The following TPRG1 variants were observed in gnomAD, a reference collection of about 807,000 sequenced individuals.
The protein encoded by TPRG1 is tumor protein p63-regulated gene 1 protein.
In TPRG1, 29 loss-of-function variants were observed where a neutral mutation model predicts 29.3. The observed-to-expected ratio is 0.99, with a 90% CI of 0.74 to 1.35. The LOEUF (loss-of-function observed/expected upper bound fraction) is 1.35. Ranked by LOEUF, TPRG1 falls within the 40% of genes most tolerant of loss-of-function variation. TPRG1 has a pLI of 0.00. For missense variants in TPRG1, 327 were observed against 335.0 expected (o/e 0.98, Z 0.19); for synonymous variants, 130 against 116.8 (o/e 1.11, Z -0.73).
intron 3 of TPRG1, among the ~76,000 whole-genome samples, chr3:189,218,359 G>T (rs543390088): frequency 1.3e-5 from 2 of 151,874 alleles, no homozygotes; most frequent in African/African-American, 2.4e-5. Flanking sequence ...CTCGTGATCC[G>T]CCTGCCTCGG....
chr3:189,031,619 GA>G (rs1160491318), intron 4 of TPRG1, among the ~76,000 whole-genome samples: 2 of 152,158 alleles, frequency 1.3e-5, no homozygotes, highest in African/African-American at 4.8e-5. Flanking sequence ...AACTGTTGCT[GA>G]GTGAATATCA....
chr3:189,207,425 C>T lies in TPRG1; in HGVS notation c.41C>T (p.Ser14Phe), dbSNP rs1734565903. The T allele has an allele frequency of 1.9e-6, 3 of 1,614,028 alleles. No individual in the cohort carries two copies. The highest frequency in any genetic ancestry group is 2.5e-6 in the Non-Finnish European group (3 of 1,179,950). The change falls in exon 2 of 6, where the codon TCT becomes TTT. Residue 14 changes from serine (S) to phenylalanine (F), a missense_variant. Ser to Phe is a radical substitution (Grantham distance 155). Transcript: ENST00000345063. Reference sequence around the variant, plus strand: ...AGTTTTGAAGGATTCCAGGCTGTGTCTCTGAAGCAAGAGGGAGATGACCAA... The same window carrying T: ...AGTTTTGAAGGATTCCAGGCTGTGTTTCTGAAGCAAGAGGGAGATGACCAA... ...IGSFEGFQAV[S>F]LKQEGDDQPS...
chr3:189,130,705 ACT>A (rs1723013953), intron 2 of TPRG1, among the ~76,000 whole-genome samples: 1 of 152,190 alleles, frequency 6.6e-6, no homozygotes, highest in Non-Finnish European at 1.5e-5. Context: ...CTTAGGACAC[ACT>A]CATAATGTGA....
intron 1 of TPRG1, among the ~76,000 whole-genome samples, chr3:189,194,905 A>G (rs934847326): frequency 2.0e-5 from 3 of 152,126 alleles, no homozygotes; most frequent in African/African-American, 7.2e-5. Flanking sequence ...TTCACTCCCC[A>G]GGAAGAGGGG....
chr3:189,212,848 T>G (rs192370251), intron 2 of TPRG1, among the ~76,000 whole-genome samples: 51 of 152,318 alleles, frequency 3.3e-4, no homozygotes, highest in African/African-American at 1.1e-3. Flanking sequence ...GGACATTGTT[T>G]GTGTGACAAC....
rs1055713111 is a variant in TPRG1, at chr3:189,215,203, C to T, written c.211-89C>T. ...ACTATATCCTTTGTGACCAGCTTTC[C>T]GGAGGAGCTGCTGGAATATACTAAC... On this transcript the variant is annotated intron_variant, in intron 2 of 5. Coordinates refer to ENST00000345063, the MANE Select transcript of TPRG1 (RefSeq NM_198485.4). 28 of 1,067,946 alleles carry T rather than the reference C, an allele frequency of 2.6e-5. No homozygotes were observed. The Admixed American group carries it at 3.6e-4, about 14-fold the overall frequency. 66.2% of individuals were successfully genotyped at this position (1,067,946 alleles called of 1,614,324 possible). A position where few individuals can be genotyped will look rare whatever the true frequency, so the allele number is the denominator to read the frequency against.
At chr3:189,188,157 T>C (rs143348743) in intron 1 of TPRG1, among the ~76,000 whole-genome samples, 18 of 152,306 alleles carry the variant, frequency 1.2e-4, no homozygotes, top group African/African-American at 4.3e-4. Context: ...ATAAGTAATG[T>C]TACCTCTACT....
intron 3 of TPRG1, among the ~76,000 whole-genome samples, chr3:189,011,867 C>T (rs1279850985): frequency 6.6e-6 from 1 of 152,132 alleles, no homozygotes; most frequent in Non-Finnish European, 1.5e-5. Flanking sequence ...TAGCTGTATT[C>T]CTAGTTATTT....
chr3:189,265,904 G>A (rs1713987396), intron 4 of TPRG1, among the ~76,000 whole-genome samples: 1 of 152,180 alleles, frequency 6.6e-6, no homozygotes, highest in East Asian at 1.9e-4. Context: ...GACAAGAGAT[G>A]CGCAGTTCAT....
chr3:189,233,712 A>T (rs1240763520), intron 3 of TPRG1, among the ~76,000 whole-genome samples: 3 of 152,146 alleles, frequency 2.0e-5, no homozygotes, highest in African/African-American at 7.2e-5. Flanking sequence ...GAGCACAGTG[A>T]GGAGACACAG....
intron 4 of TPRG1, among the ~76,000 whole-genome samples, chr3:189,287,084 C>G (rs962596712): frequency 2.0e-5 from 3 of 152,048 alleles, no homozygotes; most frequent in South Asian, 4.2e-4. Flanking sequence ...TGTCTTTTGC[C>G]TGAAGACCCT....
intron 4 of TPRG1, among the ~76,000 whole-genome samples, chr3:189,077,059 G>A (rs1717228377): frequency 6.6e-6 from 1 of 152,226 alleles, no homozygotes; most frequent in South Asian, 2.1e-4. Flanking sequence ...TATGGAGCAA[G>A]TGGAACTTTC....
chr3:189,186,985 G>GTTTTTTTTT (rs397875585), intron 1 of TPRG1, among the ~76,000 whole-genome samples: 13 of 88,946 alleles, frequency 1.5e-4, no homozygotes, highest in Non-Finnish European at 1.9e-4. Context: ...CATCTAAAGT[G>GTTTTTTTTT]TTTTTTTTTT....
chr3:189,120,519 C>A (rs532994468), intron 1 of TPRG1: 1 of 152,244 alleles, frequency 6.6e-6, no homozygotes, highest in Non-Finnish European at 1.5e-5. Flanking sequence ...GTCAGTGGTT[C>A]ATTGAAGAAT....
At chr3:189,315,453 C>A (rs1413964258) in intron 5 of TPRG1, 2 of 448,368 alleles carry the variant, frequency 4.5e-6, no homozygotes, top group Non-Finnish European at 8.9e-6. Flanking sequence ...TATAGCCTTA[C>A]CTTTTCTTTT....
chr3:189,101,374 T>C (rs189590907), intron 1 of TPRG1, among the ~76,000 whole-genome samples: 4 of 152,096 alleles, frequency 2.6e-5, no homozygotes, highest in African/African-American at 9.7e-5. Context: ...TGTTCCAAAA[T>C]GTTATTCTTC....
intron 4 of TPRG1, among the ~76,000 whole-genome samples, chr3:189,051,414 A>T (rs889768154): frequency 4.6e-5 from 7 of 152,182 alleles, no homozygotes; most frequent in African/African-American, 1.7e-4. Context: ...CTGCAAGGAA[A>T]ACTACGAAAC....
intron 4 of TPRG1, among the ~76,000 whole-genome samples, chr3:189,266,234 T>C (rs1714057920): frequency 1.3e-5 from 2 of 152,226 alleles, no homozygotes; most frequent in South Asian, 4.1e-4. Context: ...CCATAGGTGT[T>C]CCAAATGTAT....
intron 4 of TPRG1, among the ~76,000 whole-genome samples, chr3:189,030,328 G>T (rs1578212924): frequency 6.6e-6 from 1 of 152,124 alleles, no homozygotes; most frequent in African/African-American, 2.4e-5. Flanking sequence ...ACAACATCCA[G>T]TTAAATTTAA....
Sources: allele counts gnomAD v4.1 joint callset (sites outside exome capture counted in the v4.1 genomes callset), GRCh38; gene constraint gnomAD v4.1.1; transcripts MANE v1.5; gene names NCBI Gene and HGNC (gene_info 2026-07-23, HGNC 2026-07-21).